ENOSF1: variants seen among roughly 807,000 people sequenced by gnomAD.
The protein encoded by ENOSF1 is enolase superfamily member 1.
ENOSF1 carries 73 observed loss-of-function variants against 68.2 expected under a neutral mutation model. That is an observed-to-expected ratio of 1.07 (90% CI 0.89 to 1.30). ENOSF1 has a LOEUF of 1.30. Ranked by LOEUF, ENOSF1 falls within the 50% of genes most tolerant of loss-of-function variation. The pLI, the probability that ENOSF1 is intolerant of heterozygous loss-of-function variation, is 0.00. For synonymous variants in ENOSF1, 223 were observed against 210.4 expected, an observed-to-expected ratio of 1.06 and a Z score of -0.52; for missense variants, 589 against 554.5, an observed-to-expected ratio of 1.06 and a Z score of -0.62.
intron 11 of ENOSF1, among the ~76,000 whole-genome samples, chr18:681,653 C>A (rs1192933107): frequency 6.6e-6 from 1 of 152,170 alleles, no homozygotes; most frequent in Non-Finnish European, 1.5e-5. Context: ...GCTCACCCTT[C>A]CCTCACCTGA....
At chr18:705,630 T>A (rs964525041) in intron 2 of ENOSF1, among the ~76,000 whole-genome samples, 2 of 152,086 alleles carry the variant, frequency 1.3e-5, no homozygotes, top group African/African-American at 4.8e-5. Flanking sequence ...AATCTGCTCT[T>A]CCCCAAGGGA....
intron 4 of ENOSF1, 138 bp downstream of exon 4, chr18:694,110 A>C: frequency 9.2e-7 from 1 of 1,084,896 alleles, no homozygotes; most frequent in Non-Finnish European, 1.3e-6. Flanking sequence ...AAAACCTCTC[A>C]GAGGAGAAAA....
In ENOSF1 at chr18:685,627, CAT is replaced by C. The variant is rs112466400; in HGVS notation, c.741+292_741+293del. 4.7e-3 allele frequency among the ~76,000 whole-genome samples: 718 copies of C among 152,282 alleles called. 5 individuals are homozygous for C. The highest frequency in any genetic ancestry group is 0.016 in the African/African-American group (675 of 41,570). On this transcript the variant is annotated intron_variant, in intron 10 of 15. Transcript: ENST00000647584. The stretch of plus-strand genomic sequence containing the variant: ...CCTGAGGAGCTAGGAGGGGAGATTA[CAT>C]GATTGACACACCAGAGCACCAATGG...
chr18:680,847 AT>A (rs1168596604), intron 11 of ENOSF1, among the ~76,000 whole-genome samples: 154 of 125,630 alleles, frequency 1.2e-3, no homozygotes, highest in Middle Eastern at 4.3e-3. Flanking sequence ...CGCCCTGCTA[AT>A]TTTTTTTTTT....
downstream of ENOSF1, among the ~76,000 whole-genome samples, chr18:666,914 G>A (rs1344782542): frequency 1.5e-5 from 1 of 64,910 alleles, no homozygotes. Context: ...GATGGTGATG[G>A]TGATGGAGAT....
intron 8 of ENOSF1, among the ~76,000 whole-genome samples, chr18:688,907 C>A (rs1005262186): frequency 7.2e-5 from 11 of 152,126 alleles, no homozygotes; most frequent in African/African-American, 2.4e-4. Flanking sequence ...CTGTGGCATC[C>A]ATAGAATGAG....
chr18:664,237 C>G, the ENOSF1 span, among the ~76,000 whole-genome samples: 1 of 151,924 alleles, frequency 6.6e-6, no homozygotes, highest in Non-Finnish European at 1.5e-5. Flanking sequence ...CTTCACATCC[C>G]TTTTAAGGTG....
intron 2 of ENOSF1, among the ~76,000 whole-genome samples, chr18:702,007 C>T (rs747218506): frequency 1.1e-4 from 16 of 151,192 alleles, no homozygotes; most frequent in Non-Finnish European, 1.5e-4. Flanking sequence ...CTTATGCCTG[C>T]AATCCCGTCA....
chr18:690,105 T>C (rs1381578103), intron 8 of ENOSF1, among the ~76,000 whole-genome samples: 1 of 152,030 alleles, frequency 6.6e-6, no homozygotes, highest in Non-Finnish European at 1.5e-5. Context: ...GTCTCTTCAG[T>C]TTGGCTGTTC....
chr18:669,119 A>G, downstream of ENOSF1: 3 of 1,614,232 alleles, frequency 1.9e-6, no homozygotes, highest in Non-Finnish European at 1.7e-6. Flanking sequence ...GATTGACACC[A>G]TCAAAACCAA....
At position 671,463 on chromosome 18, in the gene ENOSF1, A is replaced by C. The variant is rs200542124; in HGVS notation, c.*2842T>G. ...CACTGAAAATTCAGGTAAGAATTAGATGTTATACTTTTGGGTTTGGTACCT... is the reference window on the plus strand; with the variant it reads ...CACTGAAAATTCAGGTAAGAATTAGCTGTTATACTTTTGGGTTTGGTACCT... On this transcript the variant is annotated 3_prime_UTR_variant, in exon 16 of 16. Coordinates refer to ENST00000647584, the MANE Select transcript of ENOSF1 (RefSeq NM_017512.7). 6.3e-7 allele frequency: 1 copy of C among 1,588,952 alleles called. No homozygotes were observed. Among genetic ancestry groups the C allele is most frequent in the East Asian group, 2.2e-5 (1 of 44,728 alleles).
At chr18:667,456 A>ATGG (rs1438463878), downstream of ENOSF1, among the ~76,000 whole-genome samples, 1 of 1,150 alleles carries the variant, frequency 8.7e-4, no homozygotes, top group Non-Finnish European at 1.5e-3. Flanking sequence ...GGTGATGGTG[A>ATGG]TGATGGAGAT....
At chr18:708,230 A>G (rs2079147431) in intron 1 of ENOSF1, among the ~76,000 whole-genome samples, 1 of 152,098 alleles carries the variant, frequency 6.6e-6, no homozygotes, top group Non-Finnish European at 1.5e-5. Context: ...GCTGTATGTG[A>G]TGGCTGGGAG....
At chr18:706,651 A>C in intron 1 of ENOSF1, 73 bp from the exon 2 acceptor site, 1 of 1,129,524 alleles carries the variant, frequency 8.9e-7, no homozygotes, top group Non-Finnish European at 1.4e-6. Flanking sequence ...GAATGATGTC[A>C]CATGAGGACA....
At chr18:681,256 C>T (rs1425676243) in intron 11 of ENOSF1, among the ~76,000 whole-genome samples, 1 of 152,226 alleles carries the variant, frequency 6.6e-6, no homozygotes, top group Non-Finnish European at 1.5e-5. Flanking sequence ...CCCCACGTGG[C>T]AGCCTGTCCC....
At chr18:678,491 CA>C in intron 12 of ENOSF1, 1 of 560,796 alleles carries the variant, frequency 1.8e-6, no homozygotes. Flanking sequence ...CGACCTTAGT[CA>C]TATAAATTGG....
At chr18:678,397 T>G in intron 12 of ENOSF1, 1 of 458,106 alleles carries the variant, frequency 2.2e-6, no homozygotes, top group East Asian at 3.7e-5. Flanking sequence ...AAGCTGGCTT[T>G]CTTAAGACCA....
intron 5 of ENOSF1, chr18:693,149 T>C: frequency 1.6e-6 from 2 of 1,289,066 alleles, no homozygotes; most frequent in Non-Finnish European, 2.0e-6. Flanking sequence ...CCCAGTTTTT[T>C]CCTCCTCAGC....
Position 673,903 on chromosome 18 carries a change from G to C in ENOSF1, c.*402C>G, listed in dbSNP as rs2075208817. 6.5e-6 allele frequency: 1 copy of C among 154,778 alleles called. No homozygotes were observed. Among genetic ancestry groups the C allele is most frequent in the African/African-American group, 2.4e-5 (1 of 41,354 alleles). 9.6% of individuals were successfully genotyped at this position (154,778 alleles called of 1,614,324 possible). Reference sequence around the variant, plus strand: ...ATATTTTTCCCTTCGTTGCATACCAGATACCCCCGGTGTTGCACGACTATT... The same window carrying C: ...ATATTTTTCCCTTCGTTGCATACCACATACCCCCGGTGTTGCACGACTATT... On this transcript the variant is annotated 3_prime_UTR_variant, in exon 16 of 16. Coordinates refer to ENST00000647584, the MANE Select transcript of ENOSF1 (RefSeq NM_017512.7).
Sources: allele counts gnomAD v4.1 joint callset (sites outside exome capture counted in the v4.1 genomes callset), GRCh38; gene constraint gnomAD v4.1.1; transcripts MANE v1.5; gene names NCBI Gene and HGNC (gene_info 2026-07-23, HGNC 2026-07-21).